Variants in CNTNAP3 observed in about 807,000 individuals in gnomAD.
CNTNAP3 encodes the protein contactin associated protein family member 3.
A neutral mutation model predicts 92.1 loss-of-function variants in CNTNAP3; 36 were observed. The ratio of observed to expected loss-of-function variants is 0.39; its 90% confidence interval spans 0.30 to 0.52. The LOEUF is 0.52. CNTNAP3 is among the 20% of genes least tolerant of loss of function. The pLI, the probability that CNTNAP3 is intolerant of heterozygous loss-of-function variation, is 0.76. For missense variants in CNTNAP3, 534 were observed against 1,069.6 expected (o/e 0.50, Z 6.98); for synonymous variants, 232 against 422.3 (o/e 0.55, Z 5.53).
At chr9:39,127,642 A>G (rs1199704120) in intron 13 of CNTNAP3, among the ~76,000 whole-genome samples, 1 of 152,158 alleles carries the variant, frequency 6.6e-6, no homozygotes, top group Non-Finnish European at 1.5e-5. Flanking sequence ...AAATAATTCT[A>G]CACAAATCAA....
chr9:39,077,563 CAAACAAACAAA>C (rs1825812616), intron 23 of CNTNAP3, among the ~76,000 whole-genome samples: 4 of 56,264 alleles, frequency 7.1e-5, no homozygotes, highest in African/African-American at 3.8e-4. Context: ...TCTCAAAAAA[CAAACAAACAAA>C]CAAACAAACA....
intron 13 of CNTNAP3, among the ~76,000 whole-genome samples, chr9:39,132,690 T>A (rs1449106526): frequency 6.6e-6 from 1 of 152,056 alleles, no homozygotes; most frequent in Non-Finnish European, 1.5e-5. Flanking sequence ...TTCCCTTGAT[T>A]AAGAAAGGAC....
intron 14 of CNTNAP3, among the ~76,000 whole-genome samples, chr9:39,110,817 T>G (rs1246328947): frequency 6.6e-6 from 1 of 152,194 alleles, no homozygotes; most frequent in Non-Finnish European, 1.5e-5. Context: ...TTGGTTATAT[T>G]TTATCACATA....
chr9:39,148,570 A>C (rs1821760693), intron 10 of CNTNAP3, among the ~76,000 whole-genome samples: 1 of 146,386 alleles, frequency 6.8e-6, no homozygotes, highest in Non-Finnish European at 1.5e-5. Context: ...TCTGTCACCC[A>C]GGCTGGAGTG....
chr9:39,122,187 T>C (rs1244287281), intron 13 of CNTNAP3, among the ~76,000 whole-genome samples: 2 of 152,008 alleles, frequency 1.3e-5, no homozygotes, highest in Non-Finnish European at 2.9e-5. Flanking sequence ...ACCCCGTATC[T>C]ACTAAAAATA....
At chr9:39,094,642 C>T (rs1826287112) in intron 18 of CNTNAP3, among the ~76,000 whole-genome samples, 1 of 151,542 alleles carries the variant, frequency 6.6e-6, no homozygotes, top group Non-Finnish European at 1.5e-5. Context: ...CTATGTTAAA[C>T]ATCAATTGAC....
intron 18 of CNTNAP3, among the ~76,000 whole-genome samples, chr9:39,089,817 C>G (rs1380850171): frequency 6.6e-6 from 1 of 152,128 alleles, no homozygotes; most frequent in East Asian, 1.9e-4. Flanking sequence ...ATGTTGCCAA[C>G]TATTTTTTCA....
At chr9:39,086,583 C>G in intron 20 of CNTNAP3, 133 bp downstream of exon 20, 7 of 1,199,830 alleles carry the variant, frequency 5.8e-6, no homozygotes, top group Non-Finnish European at 2.3e-6. Context: ...CCATATTTGG[C>G]TTCTTCTTGA....
intron 13 of CNTNAP3, among the ~76,000 whole-genome samples, chr9:39,126,692 C>G (rs1377912276): frequency 6.6e-6 from 1 of 151,816 alleles, no homozygotes; most frequent in African/African-American, 2.4e-5. Context: ...CATATGCTTC[C>G]AGTACTTTCT....
intron 18 of CNTNAP3, among the ~76,000 whole-genome samples, chr9:39,098,998 G>A (rs908830484): frequency 6.0e-5 from 9 of 149,812 alleles, no homozygotes; most frequent in Non-Finnish European, 7.4e-5. Context: ...TCCCCAAGAC[G>A]GAGTCTCACT....
intron 12 of CNTNAP3, among the ~76,000 whole-genome samples, chr9:39,133,584 A>G (rs1194879888): frequency 6.6e-6 from 1 of 152,074 alleles, no homozygotes; most frequent in African/African-American, 2.4e-5. Flanking sequence ...CAGGTATGAT[A>G]GGAAGCAGCT....
rs577852321 is a variant in CNTNAP3 at position 39,081,438 on chromosome 9, A to G, written c.3443-2518T>C. Among the ~76,000 whole-genome samples the G allele has an allele frequency of 5.1e-3, 772 of 150,756 alleles. 9 individuals are homozygous for G. Among genetic ancestry groups the G allele is most frequent in the African/African-American group, 0.018 (734 of 40,970 alleles). The stretch of plus-strand genomic sequence containing the variant: ...GGGGTCCTGCACCCAGCCCCCTTCC[A>G]ATTCTCTATTCTGTTCCATCAAAGC... On this transcript the variant is annotated intron_variant, in intron 21 of 23. Coordinates refer to ENST00000297668, the MANE Select transcript of CNTNAP3 (RefSeq NM_033655.5).
chr9:39,098,834 A>C (rs541923936), intron 18 of CNTNAP3, among the ~76,000 whole-genome samples: 2 of 152,330 alleles, frequency 1.3e-5, no homozygotes, highest in Non-Finnish European at 2.9e-5. Context: ...TAAGTGTAAC[A>C]GCCCAGAGAC....
In CNTNAP3 at chr9:39,066,542, G is replaced by T; in HGVS notation, c.*7348C>A. ...TACACTGTTCTCATAGTCCAGGTTT[G>T]CTGATAATATATTACTTTTAACTTT... On this transcript the variant is annotated 3_prime_UTR_variant, in exon 24 of 24. Transcript: ENST00000297668. 6.6e-6 allele frequency among the ~76,000 whole-genome samples: 1 copy of T among 152,218 alleles called. No individual in the cohort carries two copies. The highest frequency in any genetic ancestry group is 6.5e-5 in the Admixed American group (1 of 15,278).
At position 39,149,991 on chromosome 9, in the gene CNTNAP3, C is replaced by G; in HGVS notation, c.1478-14G>C. The G allele has an allele frequency of 6.2e-7, 1 of 1,610,944 alleles. No individual in the cohort carries two copies. Among genetic ancestry groups the G allele is most frequent in the Non-Finnish European group, 8.5e-7 (1 of 1,179,542 alleles). ...TGTCCAGGCAGCCTAAATATGAAGA[C>G]AAAAATAGGACAAAAGCAACAACTA... On this transcript the variant is annotated splice_polypyrimidine_tract_variant and intron_variant, in intron 9 of 23. Coordinates refer to ENST00000297668, the MANE Select transcript of CNTNAP3 (RefSeq NM_033655.5).
At chr9:39,105,420 C>T (rs546028176) in intron 15 of CNTNAP3, among the ~76,000 whole-genome samples, 1 of 152,256 alleles carries the variant, frequency 6.6e-6, no homozygotes, top group African/African-American at 2.4e-5. Flanking sequence ...GAGCAACTCT[C>T]CATCTCAAAA....
chr9:39,148,819 C>G (rs371903463), intron 10 of CNTNAP3, among the ~76,000 whole-genome samples: 1 of 152,156 alleles, frequency 6.6e-6, no homozygotes, highest in Non-Finnish European at 1.5e-5. Context: ...GCCACGGCGC[C>G]GGGCCAGATT....
At chr9:39,125,996 C>A (rs1019900691) in intron 13 of CNTNAP3, among the ~76,000 whole-genome samples, 1 of 152,132 alleles carries the variant, frequency 6.6e-6, no homozygotes, top group Non-Finnish European at 1.5e-5. Context: ...TAACTGAATA[C>A]TTTAGAATTC....
chr9:39,129,416 G>A (rs992646281), intron 13 of CNTNAP3, among the ~76,000 whole-genome samples: 2 of 152,048 alleles, frequency 1.3e-5, no homozygotes, highest in Non-Finnish European at 2.9e-5. Context: ...TGGAGCAACT[G>A]AACATTCATA....
Sources: allele counts gnomAD v4.1 joint callset (sites outside exome capture counted in the v4.1 genomes callset), GRCh38; gene constraint gnomAD v4.1.1; transcripts MANE v1.5; gene names NCBI Gene and HGNC (gene_info 2026-07-23, HGNC 2026-07-21).